The following ASGR2 variants were observed in gnomAD, a reference collection of about 807,000 sequenced individuals.
ASGR2 encodes asialoglycoprotein receptor 2, also known as C-type lectin domain family 4 member H2.
ASGR2 carries 34 observed loss-of-function variants against 32.3 expected under a neutral mutation model. The ratio of observed to expected loss-of-function variants is 1.05; its 90% CI spans 0.80 to 1.40. ASGR2 has a LOEUF of 1.40. Ranked by LOEUF, ASGR2 falls within the 40% of genes most tolerant of loss-of-function variation. ASGR2 has a pLI of 0.00. For synonymous variants in ASGR2, 143 were observed against 150.0 expected, an observed-to-expected ratio of 0.95 and a Z score of 0.34; for missense variants, 385 against 386.4, an observed-to-expected ratio of 1.00 and a Z score of 0.03.
rs369145875 is a variant in ASGR2, at chr17:7,107,172, G to A, written c.497-21C>T. The A allele has an allele frequency of 2.6e-4, 424 of 1,614,088 alleles. No homozygotes were observed. The highest frequency in any genetic ancestry group is 3.4e-4 in the Non-Finnish European group (405 of 1,180,028). On this transcript the variant is annotated intron_variant, in intron 6 of 8. Coordinates refer to ENST00000691900, the MANE Select transcript of ASGR2 (RefSeq NM_001201352.2). The surrounding 1 kb of genome is among the most constrained non-coding windows in gnomAD (Gnocchi z 5.0). ...GGAGCCTGAGGGGACAGGGGGCAGG[G>A]AGATGAGATCCAGCCGGAGGGGCAG...
chr17:7,114,312 T>C lies in ASGR2; in HGVS notation c.-70-2A>G. On this transcript the variant is annotated splice_acceptor_variant, in intron 1 of 8. Coordinates refer to ENST00000691900, the MANE Select transcript of ASGR2 (RefSeq NM_001201352.2). LOFTEE classifies it low-confidence loss of function (5UTR_SPLICE). The surrounding 1 kb of genome is among the most constrained non-coding windows in gnomAD (Gnocchi z 4.5). ...CTGAGGTTGCTCTGAGGGCTGGGGC[T>C]GGGGCAGAGGTGCAGATTCACGTGG... The C allele has an allele frequency of 7.4e-6, 10 of 1,348,618 alleles. No individual in the cohort carries two copies. The highest frequency in any genetic ancestry group is 9.8e-6 in the Non-Finnish European group (10 of 1,018,938). The allele number at this position is 1,348,618 out of a possible 1,614,324, so 83.5% of individuals were successfully genotyped here.
At chr17:7,102,285 T>G in intron 7 of ASGR2, 89 bp from the exon 8 acceptor site, 1 of 1,104,200 alleles carries the variant, frequency 9.1e-7, no homozygotes, top group Non-Finnish European at 1.4e-6. Context: ...CCTCTCAGCC[T>G]TCCCCAGCCT....
intron 7 of ASGR2, among the ~76,000 whole-genome samples, chr17:7,104,651 AAAAAAT>A (rs914585027): frequency 2.0e-5 from 3 of 151,690 alleles, no homozygotes; most frequent in African/African-American, 7.3e-5. Flanking sequence ...TCTCCATTTC[AAAAAAT>A]AAAAATAAAC....
Position 7,101,591 on chromosome 17 carries a change from G to T in ASGR2, c.905C>A (p.Thr302Asn). 6.2e-7 allele frequency: 1 copy of T among 1,614,166 alleles called. No homozygotes were observed. The change falls in exon 9 of 9, where the codon ACC becomes AAC. Residue 302 changes from threonine (T) to asparagine (N), a missense_variant. Physicochemically the swap from Thr to Asn is moderately conservative, Grantham distance 65. Coordinates refer to ENST00000691900, the MANE Select transcript of ASGR2 (RefSeq NM_001201352.2). ...GTGCTGGGGTCAGGCCACCTCGCCGGTGGCATTCCGCCTTTTCTCACACAC... is the reference window on the plus strand; with the variant it reads ...GTGCTGGGGTCAGGCCACCTCGCCGTTGGCATTCCGCCTTTTCTCACACAC... ...RWVCEKRRNA[T>N]GEVA
intron 2 of ASGR2, among the ~76,000 whole-genome samples, chr17:7,111,003 G>A (rs769597083): frequency 6.6e-6 from 1 of 152,198 alleles, no homozygotes; most frequent in Admixed American, 6.5e-5. Flanking sequence ...AAACAATTAA[G>A]AGTTCAAACG....
Position 7,107,116 on chromosome 17 carries a change from C to A in ASGR2, c.532G>T (p.Glu178Ter). Residue 178 changes from glutamate (E) to a stop codon, truncating the protein, a stop_gained, in exon 7 of 9, where the codon GAG becomes TAG. Coordinates refer to ENST00000691900, the MANE Select transcript of ASGR2 (RefSeq NM_001201352.2). LOFTEE classifies it high-confidence loss of function. The surrounding 1 kb of genome is among the most constrained non-coding windows in gnomAD (Gnocchi z 5.0). ...QRTCCPVNWV[E>*]HQGSCYWFSH... ...AACCAGTAGCAGCTGCCTTGGTGCT[C>A]CACCCAGTTGACGGGGCAGCAGGTC... 7 of 1,614,138 alleles carry A rather than the reference C, an allele frequency of 4.3e-6. No individual in the cohort carries two copies. Among genetic ancestry groups the A allele is most frequent in the Non-Finnish European group, 5.9e-6 (7 of 1,180,036 alleles).
intron 2 of ASGR2, among the ~76,000 whole-genome samples, chr17:7,110,468 C>T (rs1914482104): frequency 6.6e-6 from 1 of 152,212 alleles, no homozygotes; most frequent in Non-Finnish European, 1.5e-5. Flanking sequence ...CTTATCAACT[C>T]CCAATGCTGG....
At chr17:7,112,595 C>T (rs965972737) in intron 2 of ASGR2, among the ~76,000 whole-genome samples, 12 of 152,156 alleles carry the variant, frequency 7.9e-5, no homozygotes, top group Admixed American at 3.3e-4. Flanking sequence ...GAGAGTGAGG[C>T]GGACAGGGCC....
chr17:7,108,372 A>G lies in ASGR2; in HGVS notation c.337+90T>C. ...GACGCCTTGCCCAGCCTGCACCCCCACGGCACCCCACACAGCCCTGTTGCA... is the reference window on the plus strand; with the variant it reads ...GACGCCTTGCCCAGCCTGCACCCCCGCGGCACCCCACACAGCCCTGTTGCA... On this transcript the variant is annotated intron_variant, in intron 4 of 8. Transcript: ENST00000691900. This position sits in a 1 kb window ranked among gnomAD's most constrained non-coding sequence, Gnocchi z 4.9. 7.3e-7 allele frequency: 1 copy of G among 1,375,776 alleles called. No individual in the cohort carries two copies. Among genetic ancestry groups the G allele is most frequent in the African/African-American group, 1.4e-5 (1 of 69,342 alleles). The allele number at this position is 1,375,776 out of a possible 1,614,324, so 85.2% of individuals were successfully genotyped here.
Position 7,114,245 on chromosome 17 carries a change from G to C in ASGR2, c.-5C>G, listed in dbSNP as rs929960119. On this transcript the variant is annotated 5_prime_UTR_variant, in exon 2 of 9. Coordinates refer to ENST00000691900, the MANE Select transcript of ASGR2 (RefSeq NM_001201352.2). The surrounding 1 kb of genome is among the most constrained non-coding windows in gnomAD (Gnocchi z 4.5). ...ATCTTGAAAGTCCTTGGCCATGATG[G>C]GGCCCGGGCTGGAGCTGGAGCTGGA... 5.0e-6 allele frequency: 8 copies of C among 1,613,826 alleles called. No individual in the cohort carries two copies. The highest frequency in any genetic ancestry group is 5.9e-6 in the Non-Finnish European group (7 of 1,180,010).
Position 7,108,794 on chromosome 17 carries a change from G to GACC in ASGR2, c.216_218dup (p.Val73dup), listed in dbSNP as rs1914228091. Reference sequence around the variant, plus strand: ...CACTTTGGGACCCAGTCACACAGATGACCACCAGCAGCAGGATGTTGAAGC... The same window carrying GACC: ...CACTTTGGGACCCAGTCACACAGATGACCACCACCAGCAGCAGGATGTTGAAGC... On this transcript the variant is annotated inframe_insertion, in exon 3 of 9. Coordinates refer to ENST00000691900, the MANE Select transcript of ASGR2 (RefSeq NM_001201352.2). The surrounding 1 kb of genome is among the most constrained non-coding windows in gnomAD (Gnocchi z 4.9). 6.2e-7 allele frequency: 1 copy of GACC among 1,613,890 alleles called. No homozygotes were observed. Among genetic ancestry groups the GACC allele is most frequent in the African/African-American group, 1.3e-5 (1 of 74,880 alleles).
At position 7,114,285 on chromosome 17, in the gene ASGR2, G is replaced by C. The variant is rs754753510; in HGVS notation, c.-45C>G. 2 of 1,608,462 alleles carry C rather than the reference G, an allele frequency of 1.2e-6. No individual in the cohort carries two copies. ...CTGGAGCTGGAGCTGGGCTGGGCTG[G>C]GCTGAGGTTGCTCTGAGGGCTGGGG... On this transcript the variant is annotated 5_prime_UTR_variant, in exon 2 of 9. Transcript: ENST00000691900. The surrounding 1 kb of genome is among the most constrained non-coding windows in gnomAD (Gnocchi z 4.5).
intron 7 of ASGR2, among the ~76,000 whole-genome samples, chr17:7,104,372 C>CAAAAAAA (rs1478649379): frequency 1.2e-5 from 1 of 85,038 alleles, no homozygotes; most frequent in Non-Finnish European, 2.3e-5. Flanking sequence ...AAAAAAAAAG[C>CAAAAAAA]CAGGCGTAGT....
chr17:7,109,781 CAT>C (rs1344544082), intron 2 of ASGR2, among the ~76,000 whole-genome samples: 2 of 152,086 alleles, frequency 1.3e-5, no homozygotes, highest in South Asian at 4.1e-4. Context: ...CCCACTCTCA[CAT>C]GTGCATATGC....
chr17:7,105,225 C>T (rs1252117284), intron 7 of ASGR2, among the ~76,000 whole-genome samples: 1 of 151,816 alleles, frequency 6.6e-6, no homozygotes, highest in Admixed American at 6.6e-5. Context: ...ACAAAAAGAA[C>T]ACCTCTCACA....
At chr17:7,109,210 G>C (rs868843689) in intron 2 of ASGR2, among the ~76,000 whole-genome samples, 6 of 150,864 alleles carry the variant, frequency 4.0e-5, no homozygotes, top group South Asian at 2.1e-4. Context: ...CACAGGGGGC[G>C]GGGGGGCAGA....
chr17:7,112,346 C>A (rs1220001214), intron 2 of ASGR2, among the ~76,000 whole-genome samples: 1 of 151,824 alleles, frequency 6.6e-6, no homozygotes, highest in Non-Finnish European at 1.5e-5. Flanking sequence ...CCCCACCACC[C>A]GGGCTGCTGG....
chr17:7,104,930 C>T (rs956428944), intron 7 of ASGR2, among the ~76,000 whole-genome samples: 9 of 150,648 alleles, frequency 6.0e-5, no homozygotes, highest in Non-Finnish European at 1.0e-4. Context: ...GAGCCAAGAT[C>T]GCGCCATTGC....
Position 7,108,802 on chromosome 17 carries a change from G to C in ASGR2, c.211C>G (p.Leu71Val), listed in dbSNP as rs774950802. ...GACCCAGTCACACAGATGACCACCA[G>C]CAGCAGGATGTTGAAGCTCAGGGCA... ...LLALSFNILLLVVICVTGSQS... is the reference protein window; with the variant it reads ...LLALSFNILLVVVICVTGSQS... The change falls in exon 3 of 9, where the codon CTG (leucine) becomes GTG (valine). Residue 71 changes from leucine to valine, a missense_variant. Transcript: ENST00000691900. The surrounding 1 kb of genome is among the most constrained non-coding windows in gnomAD (Gnocchi z 4.9). 3 of 1,613,946 alleles carry C rather than the reference G, an allele frequency of 1.9e-6. No individual in the cohort carries two copies. The East Asian group carries it at 6.7e-5, about 36-fold the overall frequency.
Sources: allele counts gnomAD v4.1 joint callset (sites outside exome capture counted in the v4.1 genomes callset), GRCh38; gene constraint gnomAD v4.1.1; non-coding constraint Gnocchi (gnomAD v3.1); transcripts MANE v1.5; gene names NCBI Gene and HGNC (gene_info 2026-07-23, HGNC 2026-07-21).